The following AKT3 variants were observed in gnomAD, a reference collection of about 807,000 sequenced individuals.
The protein encoded by AKT3 is RAC-gamma serine/threonine-protein kinase.
In AKT3, 15 loss-of-function variants were observed where a neutral mutation model predicts 65.3. The observed-to-expected ratio is 0.23, with a 90% CI of 0.15 to 0.35. The LOEUF (loss-of-function observed/expected upper bound fraction) is 0.35, where lower values mean the gene tolerates loss of function less well. Ranked by LOEUF, AKT3 falls within the 10% of genes least tolerant of loss-of-function variation. The probability of loss-of-function intolerance (pLI) is 1.00; values close to 1 mark genes in which losing one functional copy is unlikely to be tolerated. For missense variants in AKT3, 243 were observed against 576.5 expected, an observed-to-expected ratio of 0.42 and a Z score of 5.92; for synonymous variants, 206 against 183.8, an observed-to-expected ratio of 1.12 and a Z score of -0.98.
At chr1:243,700,908 T>C (rs983276764) in intron 2 of AKT3, among the ~76,000 whole-genome samples, 5 of 152,208 alleles carry the variant, frequency 3.3e-5, no homozygotes, top group African/African-American at 9.7e-5. Flanking sequence ...AAATCATCTT[T>C]ATCATGAATT....
At chr1:243,742,059 T>TAAAAAAAAAAAAAAAAAAAAAA (rs36056068) in intron 2 of AKT3, among the ~76,000 whole-genome samples, 2 of 125,584 alleles carry the variant, frequency 1.6e-5, no homozygotes, top group African/African-American at 3.1e-5. Context: ...GATAGAAAAT[T>TAAAAAAAAAAAAAAAAAAAAAA]AAAAAAAAAA....
chr1:243,538,994 G>A (rs1672112501), intron 12 of AKT3, among the ~76,000 whole-genome samples: 1 of 152,060 alleles, frequency 6.6e-6, no homozygotes, highest in Non-Finnish European at 1.5e-5. Context: ...ATCTTTTTCA[G>A]AAACCAATAG....
At chr1:243,672,101 ATG>A (rs1683193133) in intron 3 of AKT3, among the ~76,000 whole-genome samples, 1 of 152,156 alleles carries the variant, frequency 6.6e-6, no homozygotes, top group Non-Finnish European at 1.5e-5. Context: ...GAGGGCTCCA[ATG>A]TGTTTGCCTC....
chr1:243,679,425 T>G (rs452271), intron 3 of AKT3, among the ~76,000 whole-genome samples: 7,197 of 152,248 alleles, frequency 0.047, 587 homozygotes, highest in African/African-American at 0.16. Flanking sequence ...CTGACCAATC[T>G]TTTATTTAGT....
chr1:243,603,494 T>C (rs764849015), intron 8 of AKT3, among the ~76,000 whole-genome samples: 1 of 152,244 alleles, frequency 6.6e-6, no homozygotes, highest in Admixed American at 6.5e-5. Context: ...CTAGTCTCAC[T>C]GCATCTACAG....
At chr1:243,665,192 C>T (rs2147922749) in intron 3 of AKT3, among the ~76,000 whole-genome samples, 1 of 152,292 alleles carries the variant, frequency 6.6e-6, no homozygotes, top group African/African-American at 2.4e-5. Context: ...ACTTATTTTA[C>T]CTCTATCCAT....
chr1:243,823,690 A>C (rs1693990057), intron 2 of AKT3, among the ~76,000 whole-genome samples: 1 of 152,188 alleles, frequency 6.6e-6, no homozygotes, highest in South Asian at 2.1e-4. Flanking sequence ...AGAGAACAAA[A>C]TACATAGGAA....
chr1:243,718,579 C>A (rs1248397759), intron 2 of AKT3, among the ~76,000 whole-genome samples: 4 of 151,952 alleles, frequency 2.6e-5, no homozygotes, highest in Non-Finnish European at 5.9e-5. Context: ...CCTCCCGAGG[C>A]TGCTACCCTT....
chr1:243,722,033 A>G (rs1324781676), intron 2 of AKT3, among the ~76,000 whole-genome samples: 4 of 152,194 alleles, frequency 2.6e-5, no homozygotes, highest in Non-Finnish European at 4.4e-5. Context: ...AGCATAAGAC[A>G]TTCCAAATAA....
rs1165911600 is a variant in AKT3, at chr1:243,824,948, T to C, written c.46+18177A>G. ...TAAATCAATCTATGATAAAGATACA[T>C]GCAGGTATGTTCATTGCAGCACTAT... On this transcript the variant is annotated intron_variant, in intron 2 of 13. Coordinates refer to ENST00000673466, the MANE Select transcript of AKT3 (RefSeq NM_005465.7). Among the ~76,000 whole-genome samples the C allele has an allele frequency of 5.3e-5, 8 of 152,300 alleles. No homozygotes were observed. In the East Asian group the frequency reaches 1.2e-3, roughly 22 times the overall value.
At chr1:243,731,790 T>A (rs1476506975) in intron 2 of AKT3, among the ~76,000 whole-genome samples, 1 of 152,224 alleles carries the variant, frequency 6.6e-6, no homozygotes, top group Non-Finnish European at 1.5e-5. Flanking sequence ...TGGACCAATG[T>A]ACTTCACTAA....
intron 2 of AKT3, among the ~76,000 whole-genome samples, chr1:243,811,252 C>G (rs1341800102): frequency 6.6e-6 from 1 of 152,166 alleles, no homozygotes; most frequent in African/African-American, 2.4e-5. Context: ...TTGCAGATGA[C>G]ATGATTGTAT....
chr1:243,749,920 G>C (rs1284885916), intron 2 of AKT3, among the ~76,000 whole-genome samples: 2 of 152,126 alleles, frequency 1.3e-5, no homozygotes, highest in Non-Finnish European at 2.9e-5. Context: ...TGTTGTCCTT[G>C]AATCCTGAAA....
intron 3 of AKT3, among the ~76,000 whole-genome samples, chr1:243,678,765 T>C (rs923766033): frequency 1.3e-5 from 2 of 152,228 alleles, no homozygotes; most frequent in Non-Finnish European, 2.9e-5. Context: ...TCTTTTTGTA[T>C]CACATACTGT....
chr1:243,800,362 C>G (rs1692306014), intron 2 of AKT3, among the ~76,000 whole-genome samples: 1 of 152,218 alleles, frequency 6.6e-6, no homozygotes, highest in Non-Finnish European at 1.5e-5. Context: ...AATATGTTTT[C>G]TAACTAAGAG....
At chr1:243,550,593 G>C (rs537197578) in intron 11 of AKT3, among the ~76,000 whole-genome samples, 1 of 151,816 alleles carries the variant, frequency 6.6e-6, no homozygotes, top group African/African-American at 2.4e-5. Flanking sequence ...ATAAGAAAAC[G>C]ATGAGATAAA....
chr1:243,635,502 T>G (rs1055950840), intron 6 of AKT3, among the ~76,000 whole-genome samples: 1 of 151,824 alleles, frequency 6.6e-6, no homozygotes, highest in Non-Finnish European at 1.5e-5. Context: ...ACAAAATTGA[T>G]AAACCCTTAG....
At chr1:243,679,424 CTT>C (rs1204461173) in intron 3 of AKT3, among the ~76,000 whole-genome samples, 1 of 152,100 alleles carries the variant, frequency 6.6e-6, no homozygotes, top group Admixed American at 6.5e-5. Flanking sequence ...ACTGACCAAT[CTT>C]TTATTTAGTA....
At chr1:243,662,157 A>G (rs1365760580) in intron 4 of AKT3, among the ~76,000 whole-genome samples, 1 of 152,120 alleles carries the variant, frequency 6.6e-6, no homozygotes, top group East Asian at 1.9e-4. Flanking sequence ...GCCATTCCTC[A>G]GGGACCTAGA....
Sources: gnomAD v4.1 joint callset for allele counts (sites outside exome capture counted in the v4.1 genomes callset) on GRCh38, gnomAD v4.1.1 for gene constraint, MANE v1.5 for transcripts, NCBI Gene and HGNC (gene_info 2026-07-23, HGNC 2026-07-21) for gene names.